The following PDE3B variants were observed in gnomAD, a reference collection of about 807,000 sequenced individuals.
The protein encoded by PDE3B is phosphodiesterase 3B.
Under a neutral mutation model 116.8 loss-of-function variants are expected in PDE3B, and 66 were observed. That is an observed-to-expected ratio of 0.56 (90% CI 0.46 to 0.69). The LOEUF (loss-of-function observed/expected upper bound fraction) is 0.69, where lower values mean the gene tolerates loss of function less well. Ranked by LOEUF, PDE3B falls within the 30% of genes least tolerant of loss-of-function variation. PDE3B has a pLI of 0.00. For missense variants in PDE3B, 1,384 were observed against 1,368.1 expected (o/e 1.01, Z -0.18); for synonymous variants, 595 against 533.6 (o/e 1.12, Z -1.59).
At chr11:14,688,766 T>TTTG (rs895365830) in intron 1 of PDE3B, among the ~76,000 whole-genome samples, 1 of 152,044 alleles carries the variant, frequency 6.6e-6, no homozygotes, top group Non-Finnish European at 1.5e-5. Flanking sequence ...ATTTGGTTTT[T>TTTG]TTGTTGTTGT....
At position 14,644,362 on chromosome 11, in the gene PDE3B, C is replaced by T. The variant is rs763770369; in HGVS notation, c.287C>T (p.Ala96Val). Residue 96 changes from alanine to valine, a missense_variant, in exon 1 of 16, where the codon GCG becomes GTG. Around this residue, in one of 2 missense-constraint regions of PDE3B, gnomAD observed 956 missense variants for 806.8 expected, o/e 1.18. Transcript: ENST00000282096. ...TTTGTCCTCGCCCTGCTGCTGGGCG[C>T]GGAACCCGAGAGCTGGGCTGCCGGG... ...AAFVLALLLG[A>V]EPESWAAGAA... is the part of the protein sequence containing the mutation. The T allele has an allele frequency of 1.9e-6, 3 of 1,593,960 alleles. No individual in the cohort carries two copies. The highest frequency in any genetic ancestry group is 2.3e-5 in the East Asian group (1 of 43,170).
intron 1 of PDE3B, among the ~76,000 whole-genome samples, chr11:14,754,321 CAA>C (rs1386871092): frequency 1.3e-5 from 2 of 151,954 alleles, no homozygotes; most frequent in Non-Finnish European, 2.9e-5. Flanking sequence ...ATAAACAAAT[CAA>C]GAGAACTCAT....
chr11:14,851,245 C>G (rs1847743953), intron 12 of PDE3B, among the ~76,000 whole-genome samples: 1 of 152,062 alleles, frequency 6.6e-6, no homozygotes, highest in Admixed American at 6.6e-5. Flanking sequence ...TAATTGGATG[C>G]TTTATGAAGA....
chr11:14,652,716 C>T (rs1349935100), intron 1 of PDE3B, among the ~76,000 whole-genome samples: 2 of 152,136 alleles, frequency 1.3e-5, no homozygotes, highest in Non-Finnish European at 2.9e-5. Context: ...TGATAATCAC[C>T]GTTTGACTTT....
intron 14 of PDE3B, among the ~76,000 whole-genome samples, chr11:14,864,819 T>G (rs1164144229): frequency 6.6e-6 from 1 of 152,066 alleles, no homozygotes; most frequent in Non-Finnish European, 1.5e-5. Context: ...TACCAGAATC[T>G]CTGGGACACA....
intron 12 of PDE3B, among the ~76,000 whole-genome samples, chr11:14,855,005 A>C (rs1433683078): frequency 6.6e-6 from 1 of 152,194 alleles, no homozygotes; most frequent in African/African-American, 2.4e-5. Flanking sequence ...CCATAAAGTA[A>C]GAACAGGAAA....
At chr11:14,859,828 G>A (rs371689406) in intron 13 of PDE3B, among the ~76,000 whole-genome samples, 7 of 152,272 alleles carry the variant, frequency 4.6e-5, no homozygotes, top group African/African-American at 1.7e-4. Flanking sequence ...ATATTCACCA[G>A]GGGATCAAGA....
chr11:14,806,732 G>A (rs1367205978), intron 5 of PDE3B, among the ~76,000 whole-genome samples: 2 of 148,898 alleles, frequency 1.3e-5, no homozygotes, highest in African/African-American at 2.5e-5. Flanking sequence ...AGTGGCGGGC[G>A]CCTGTAGTCC....
chr11:14,669,289 C>A (rs900577536), intron 1 of PDE3B, among the ~76,000 whole-genome samples: 2 of 151,856 alleles, frequency 1.3e-5, no homozygotes, highest in Non-Finnish European at 2.9e-5. Flanking sequence ...ATAACTACCC[C>A]AGGCTCACTT....
rs533590193 is a variant in PDE3B at position 14,712,898 on chromosome 11, A to C, written c.979-59039A>C. The stretch of plus-strand genomic sequence containing the variant: ...TGATGTCAGATTTAGATAATGCCTT[A>C]ATATGATGTAATATCTTAAATAGTG... On this transcript the variant is annotated intron_variant, in intron 1 of 15. Coordinates refer to ENST00000282096, the MANE Select transcript of PDE3B (RefSeq NM_000922.4). Among the ~76,000 whole-genome samples the C allele has an allele frequency of 1.7e-4, 26 of 152,348 alleles. 1 individual carries two copies. The South Asian group carries it at 5.2e-3, about 30-fold the overall frequency.
intron 1 of PDE3B, among the ~76,000 whole-genome samples, chr11:14,668,491 C>T (rs898034475): frequency 6.6e-6 from 1 of 152,010 alleles, no homozygotes; most frequent in African/African-American, 2.4e-5. Context: ...ATACACTAAA[C>T]TTTTAAGTAC....
At chr11:14,688,439 T>C (rs372028855) in intron 1 of PDE3B, among the ~76,000 whole-genome samples, 3 of 152,234 alleles carry the variant, frequency 2.0e-5, no homozygotes, top group African/African-American at 7.2e-5. Context: ...TCCTATTTGC[T>C]TGGGAACTCT....
intron 12 of PDE3B, among the ~76,000 whole-genome samples, chr11:14,855,235 A>C (rs1187694104): frequency 3.3e-5 from 5 of 152,130 alleles, no homozygotes; most frequent in African/African-American, 4.8e-5. Flanking sequence ...AAAAGAAGGG[A>C]GTCTTTGGAT....
chr11:14,805,307 CTG>C (rs1858886074), intron 5 of PDE3B, among the ~76,000 whole-genome samples: 1 of 152,126 alleles, frequency 6.6e-6, no homozygotes, highest in Non-Finnish European at 1.5e-5. Flanking sequence ...TTAACAGCAA[CTG>C]TGAACTCCAA....
chr11:14,665,928 G>A (rs1010559718), intron 1 of PDE3B, among the ~76,000 whole-genome samples: 1 of 152,090 alleles, frequency 6.6e-6, no homozygotes, highest in East Asian at 1.9e-4. Flanking sequence ...ATTGGAAAAA[G>A]CTACTTTAAA....
At chr11:14,653,583 C>A (rs556520090) in intron 1 of PDE3B, among the ~76,000 whole-genome samples, 111 of 151,038 alleles carry the variant, frequency 7.3e-4, no homozygotes, top group African/African-American at 2.4e-3. Context: ...ACCAAAAAAA[C>A]CAACAAAAAA....
chr11:14,898,038 T>G, the PDE3B span, among the ~76,000 whole-genome samples: 1 of 152,188 alleles, frequency 6.6e-6, no homozygotes, highest in Admixed American at 6.5e-5. Flanking sequence ...AGACACATCA[T>G]GGAACCTGAA....
At chr11:14,718,786 A>T (rs1319457361) in intron 1 of PDE3B, among the ~76,000 whole-genome samples, 1 of 139,730 alleles carries the variant, frequency 7.2e-6, no homozygotes, top group Admixed American at 7.2e-5. Context: ...GTAGAGGGAA[A>T]TTTATAGCAC....
Position 14,871,584 on chromosome 11 carries a change from G to A in PDE3B, c.*1924G>A, listed in dbSNP as rs1162268904. ...TTGGGTTTTATATTGGGTTTCTTTA[G>A]TTTATGTTGTTTTCTCAAAAGCAGC... On this transcript the variant is annotated 3_prime_UTR_variant, in exon 16 of 16. Transcript: ENST00000282096. The A allele has an allele frequency of 7.9e-5, 12 of 152,004 alleles. No homozygotes were observed. Among genetic ancestry groups the A allele is most frequent in the African/African-American group, 2.9e-4 (12 of 41,404 alleles). The allele number at this position is 152,004 out of a possible 1,614,324, so 9.4% of individuals were successfully genotyped here.
Sources: gnomAD v4.1 joint callset for allele counts (sites outside exome capture counted in the v4.1 genomes callset) on GRCh38, gnomAD v4.1.1 for gene constraint, gnomAD v4.1.1 regional missense constraint, MANE v1.5 for transcripts, NCBI Gene and HGNC (gene_info 2026-07-23, HGNC 2026-07-21) for gene names.